MTA3: variants seen among roughly 807,000 people sequenced by gnomAD.
MTA3 encodes the protein metastasis associated 1 family member 3, also known as metastasis-associated protein MTA3.
Under a neutral mutation model 83.5 loss-of-function variants are expected in MTA3, and 34 were observed. The observed-to-expected ratio is 0.41, with a 90% CI of 0.31 to 0.54. The LOEUF (loss-of-function observed/expected upper bound fraction) is 0.54, where lower values mean the gene tolerates loss of function less well. MTA3 is among the 20% of genes least tolerant of loss of function. MTA3 has a pLI of 0.33. For missense variants in MTA3, 761 were observed against 726.4 expected, an observed-to-expected ratio of 1.05 and a Z score of -0.55; for synonymous variants, 303 against 252.7, an observed-to-expected ratio of 1.20 and a Z score of -1.89.
At position 42,551,177 on chromosome 2, in the gene MTA3, C is replaced by CT. The variant is rs1218784810; in HGVS notation, c.-140-19248dup. Among the ~76,000 whole-genome samples the CT allele has an allele frequency of 8.7e-5, 13 of 150,176 alleles. No homozygotes were observed. In the South Asian group the frequency reaches 1.3e-3, roughly 15 times the overall value. ...TCATTCATTTGATCAGTGAATATTT[C>CT]TTTTTTTTTTTTGTTTGTTTGTTTG... On this transcript the variant is annotated intron_variant, in intron 2 of 17. Transcript: ENST00000405592.
rs112790206 is a variant in MTA3, at chr2:42,740,912, T to C, written c.1760-12462T>C. On this transcript the variant is annotated intron_variant, in intron 16 of 16. Transcript: ENST00000405094. ...TTAGCCTCTAACAAGAGAGTCAGCC[T>C]GTCCTTTGAAGCTTTGAAGGCATTG... 5.9e-3 allele frequency among the ~76,000 whole-genome samples: 904 copies of C among 152,396 alleles called. 11 individuals carry two copies. Among genetic ancestry groups the C allele is most frequent in the African/African-American group, 0.02 (837 of 41,602 alleles).
intron 8 of MTA3, among the ~76,000 whole-genome samples, chr2:42,673,645 G>A (rs1691048427): frequency 6.6e-6 from 1 of 152,110 alleles, no homozygotes; most frequent in Non-Finnish European, 1.5e-5. Context: ...CAGCACTTGT[G>A]GAATAAAAGG....
Position 42,722,882 on chromosome 2 carries a change from C to T in MTA3, c.1613-7C>T. On this transcript the variant is annotated splice_region_variant and splice_polypyrimidine_tract_variant and intron_variant, in intron 15 of 16. Coordinates refer to ENST00000405094, the MANE Select transcript of MTA3 (RefSeq NM_001330442.2). ...TCTGAATTGAGAAACCTTTTTTCCC[C>T]CATCAGAGATCCATCCTGCAAAGAA... The T allele has an allele frequency of 1.3e-6, 2 of 1,549,914 alleles. No individual in the cohort carries two copies. The highest frequency in any genetic ancestry group is 3.9e-5 in the Admixed American group (2 of 50,700).
intron 12 of MTA3, 133 bp downstream of exon 12, chr2:42,704,451 A>T: frequency 9.9e-7 from 1 of 1,011,990 alleles, no homozygotes; most frequent in African/African-American, 1.6e-5. Flanking sequence ...AAATGAGTAG[A>T]TGCCCCTCCT....
At chr2:42,669,840 C>T (rs981317694) in intron 8 of MTA3, among the ~76,000 whole-genome samples, 5 of 152,116 alleles carry the variant, frequency 3.3e-5, no homozygotes, top group African/African-American at 1.2e-4. Context: ...AATATAGAAA[C>T]ATCAGAAAGG....
chr2:42,718,976 TTCTC>T lies in MTA3; in HGVS notation c.1526-9_1526-6del, dbSNP rs1190538870. On this transcript the variant is annotated splice_polypyrimidine_tract_variant and splice_region_variant and intron_variant, in intron 14 of 16. Transcript: ENST00000405094. ...TTTCATTGGTTATCTCCATGTTTCT[TTCTC>T]TCCTCAGATGCAGACAGACATGCTG... 1 of 1,544,536 alleles carries T rather than the reference TTCTC, an allele frequency of 6.5e-7. No homozygotes were observed. Among genetic ancestry groups the T allele is most frequent in the East Asian group, 2.4e-5 (1 of 40,862 alleles).
chr2:42,606,298 C>T (rs1460956709), intron 3 of MTA3, among the ~76,000 whole-genome samples: 1 of 149,846 alleles, frequency 6.7e-6, no homozygotes, highest in Non-Finnish European at 1.5e-5. Context: ...TCCTCACTTC[C>T]CAGATCGGGT....
At chr2:42,540,254 G>C (rs1676461870) in intron 2 of MTA3, among the ~76,000 whole-genome samples, 1 of 148,090 alleles carries the variant, frequency 6.8e-6, no homozygotes, top group Non-Finnish European at 1.5e-5. Context: ...GCTCACTGCA[G>C]CCTCAAACTC....
intron 16 of MTA3, among the ~76,000 whole-genome samples, chr2:42,741,178 C>T (rs547125009): frequency 1.3e-5 from 2 of 152,364 alleles, no homozygotes; most frequent in South Asian, 4.1e-4. Flanking sequence ...AACTTTTCTT[C>T]TCCAGCTTCC....
chr2:42,636,189 AC>A (rs1325163918), intron 4 of MTA3, among the ~76,000 whole-genome samples: 1 of 152,146 alleles, frequency 6.6e-6, no homozygotes, highest in African/African-American at 2.4e-5. Context: ...CTGGTACAGC[AC>A]TAAGATATCT....
intron 9 of MTA3, among the ~76,000 whole-genome samples, chr2:42,686,037 C>T (rs1366785603): frequency 2.6e-5 from 4 of 152,084 alleles, no homozygotes; most frequent in African/African-American, 9.7e-5. Context: ...GTCTCCTGGG[C>T]CTCCTCTGCT....
intron 3 of MTA3, among the ~76,000 whole-genome samples, chr2:42,598,355 G>C (rs887546460): frequency 1.3e-5 from 2 of 152,140 alleles, no homozygotes; most frequent in African/African-American, 2.4e-5. Flanking sequence ...GTGAGCCACC[G>C]CGCCTGGCCT....
chr2:42,680,654 C>T (rs1050808484), intron 8 of MTA3, among the ~76,000 whole-genome samples: 2 of 152,190 alleles, frequency 1.3e-5, no homozygotes, highest in Non-Finnish European at 2.9e-5. Flanking sequence ...GTTACACATA[C>T]ACATGTATGT....
chr2:42,663,029 C>T (rs186688540), intron 8 of MTA3, among the ~76,000 whole-genome samples: 8 of 152,198 alleles, frequency 5.3e-5, no homozygotes, highest in Admixed American at 1.3e-4. Flanking sequence ...TGTGCCTGGC[C>T]GGATAAAAAT....
intron 7 of MTA3, among the ~76,000 whole-genome samples, chr2:42,658,071 C>CAAAAAAAAAAAAAAAAAAAAAAAAAAAAA (rs59628946): frequency 3.9e-5 from 2 of 51,932 alleles, no homozygotes; most frequent in African/African-American, 7.9e-5. Context: ...GACTCTGTCT[C>CAAAAAAAAAAAAAAAAAAAAAAAAAAAAA]AAAAAAAAAA....
intron 8 of MTA3, among the ~76,000 whole-genome samples, chr2:42,663,242 G>C (rs898814847): frequency 1.3e-5 from 2 of 152,104 alleles, no homozygotes; most frequent in Non-Finnish European, 1.5e-5. Flanking sequence ...GAGAGTTCTC[G>C]TGGCAGCTGG....
chr2:42,731,281 A>G (rs564211565), intron 16 of MTA3, among the ~76,000 whole-genome samples: 159 of 152,262 alleles, frequency 1.0e-3, no homozygotes, highest in Admixed American at 1.5e-3. Context: ...GTTCTTTAAT[A>G]TGCACTGATT....
intron 2 of MTA3, among the ~76,000 whole-genome samples, chr2:42,572,772 G>T (rs527693106): frequency 1.6e-4 from 25 of 152,264 alleles, no homozygotes; most frequent in African/African-American, 5.5e-4. Flanking sequence ...TTGTTGCCCA[G>T]ACTGGAGTGC....
At chr2:42,527,010 C>T (rs1287555503) in intron 2 of MTA3, among the ~76,000 whole-genome samples, 5 of 146,398 alleles carry the variant, frequency 3.4e-5, no homozygotes, top group African/African-American at 1.3e-4. Flanking sequence ...GCTGAGATCC[C>T]GCCACTGCAC....
Sources: allele counts gnomAD v4.1 joint callset (sites outside exome capture counted in the v4.1 genomes callset), GRCh38; gene constraint gnomAD v4.1.1; transcripts MANE v1.5; gene names NCBI Gene and HGNC (gene_info 2026-07-23, HGNC 2026-07-21).